ITPR1: variants seen among roughly 807,000 people sequenced by gnomAD.
ITPR1 encodes inositol 1,4,5-trisphosphate-gated calcium channel ITPR1.
Under a neutral mutation model 318.4 loss-of-function variants are expected in ITPR1, and 96 were observed. The observed-to-expected ratio is 0.30, with a 90% CI of 0.26 to 0.36. The LOEUF (loss-of-function observed/expected upper bound fraction) is 0.36. Ranked by LOEUF, ITPR1 falls within the 10% of genes least tolerant of loss-of-function variation. The probability of loss-of-function intolerance (pLI) is 1.00; values close to 1 mark genes in which losing one functional copy is unlikely to be tolerated. For missense variants in ITPR1, 2,440 were observed against 3,460.2 expected, an observed-to-expected ratio of 0.71 and a Z score of 7.40; for synonymous variants, 1,312 against 1,289.9, an observed-to-expected ratio of 1.02 and a Z score of -0.37.
At chr3:4,734,461 G>T (rs1173840780) in intron 43 of ITPR1, among the ~76,000 whole-genome samples, 2 of 152,226 alleles carry the variant, frequency 1.3e-5, no homozygotes, top group African/African-American at 4.8e-5. Context: ...CGAAAGGACA[G>T]ATAGACAATT....
In ITPR1 at chr3:4,798,117, A is replaced by T. The variant is rs546109912; in HGVS notation, c.6932-2308A>T. On this transcript the variant is annotated intron_variant, in intron 53 of 61. Coordinates refer to ENST00000649015, the MANE Select transcript of ITPR1 (RefSeq NM_001378452.1). ...TACTGGTCACATTGATGATACTGAG[A>T]TCATCTTAAGAGTCCATTTAAAATG... Among the ~76,000 whole-genome samples the T allele has an allele frequency of 3.3e-4, 51 of 152,346 alleles. No homozygotes were observed. The South Asian group carries it at 0.011, about 32-fold the overall frequency.
At chr3:4,702,127 A>C (rs2094667810) in intron 35 of ITPR1, among the ~76,000 whole-genome samples, 1 of 145,498 alleles carries the variant, frequency 6.9e-6, no homozygotes, top group African/African-American at 2.4e-5. Flanking sequence ...TAATGTACTC[A>C]GAAAGTCAGT....
intron 44 of ITPR1, among the ~76,000 whole-genome samples, chr3:4,765,598 A>G (rs1430612965): frequency 1.3e-5 from 2 of 152,212 alleles, no homozygotes; most frequent in African/African-American, 4.8e-5. Context: ...CCATCTTTCC[A>G]AATGGAAAGA....
At chr3:4,661,221 A>T in intron 14 of ITPR1, 134 bp downstream of exon 14, 1 of 535,968 alleles carries the variant, frequency 1.9e-6, no homozygotes, top group East Asian at 3.0e-5. Flanking sequence ...GCCGAACTTG[A>T]ATGTGACAAA....
At chr3:4,815,021 C>T (rs1034652520) in intron 58 of ITPR1, 32 bp from the exon 59 acceptor site, 13 of 1,584,886 alleles carry the variant, frequency 8.2e-6, no homozygotes, top group South Asian at 1.2e-5. Context: ...TCGCAAGGGA[C>T]CCAGACTGAT....
chr3:4,821,940 T>TC (rs761441828), intron 60 of ITPR1, among the ~76,000 whole-genome samples: 36 of 152,192 alleles, frequency 2.4e-4, no homozygotes, highest in Non-Finnish European at 4.4e-4. Flanking sequence ...GGTCTTCCCC[T>TC]TTCTCCTTTC....
At chr3:4,587,822 T>G (rs934863872) in intron 4 of ITPR1, among the ~76,000 whole-genome samples, 1 of 152,208 alleles carries the variant, frequency 6.6e-6, no homozygotes, top group Non-Finnish European at 1.5e-5. Flanking sequence ...TAGCTTAGTA[T>G]CTAATCTTTG....
chr3:4,580,353 T>A (rs551143737), intron 4 of ITPR1, among the ~76,000 whole-genome samples: 5 of 152,288 alleles, frequency 3.3e-5, no homozygotes, highest in Admixed American at 3.3e-4. Context: ...TGGCTTTTGG[T>A]TCAAACAAGT....
chr3:4,755,324 G>A (rs79958525), intron 44 of ITPR1, among the ~76,000 whole-genome samples: 3,759 of 151,930 alleles, frequency 0.025, 69 homozygotes, highest in South Asian at 0.063. Flanking sequence ...CCCAGTTCCC[G>A]TGGGCACTGG....
intron 40 of ITPR1, among the ~76,000 whole-genome samples, chr3:4,721,023 T>C (rs2042113200): frequency 6.6e-6 from 1 of 151,508 alleles, no homozygotes; most frequent in Admixed American, 6.6e-5. Flanking sequence ...ATAAATGCAG[T>C]GGGGCTGTTT....
At position 4,735,138 on chromosome 3, in the gene ITPR1, G is replaced by A. The variant is rs762668339; in HGVS notation, c.5354-26G>A. ...ACATTAGCTGTTCTGATTGTGCTTA[G>A]TAAAAACAATATTCCATCTTCTTAG... is the stretch of plus-strand genomic sequence containing the variant. On this transcript the variant is annotated intron_variant, in intron 43 of 61. Coordinates refer to ENST00000649015, the MANE Select transcript of ITPR1 (RefSeq NM_001378452.1). The A allele has an allele frequency of 1.9e-6, 3 of 1,593,530 alleles. 1 individual carries two copies. In the South Asian group the frequency reaches 3.3e-5, roughly 18 times the overall value.
In ITPR1 at chr3:4,650,414, G is replaced by A. The variant is rs115011139; in HGVS notation, c.856-1709G>A. 3.7e-3 allele frequency among the ~76,000 whole-genome samples: 556 copies of A among 152,144 alleles called. 4 individuals are homozygous for A. Among genetic ancestry groups the A allele is most frequent in the African/African-American group, 0.013 (530 of 41,512 alleles). ...ACTTTTTGTTGGATATAGAATTCTA[G>A]GTAGATAGTTTTTTACTTTAAAGAT... On this transcript the variant is annotated intron_variant, in intron 10 of 61. Coordinates refer to ENST00000649015, the MANE Select transcript of ITPR1 (RefSeq NM_001378452.1).
chr3:4,751,517 ATATGTAGTTCCAT>A (rs1196614269), intron 44 of ITPR1: 1 of 152,226 alleles, frequency 6.6e-6, no homozygotes, highest in Non-Finnish European at 1.5e-5. Context: ...TTAGAAAAGA[ATATGTAGTTCCAT>A]GAGGACAGGC....
intron 4 of ITPR1, among the ~76,000 whole-genome samples, chr3:4,528,659 G>A (rs955714403): frequency 1.8e-4 from 28 of 151,970 alleles, no homozygotes; most frequent in Non-Finnish European, 3.8e-4. Flanking sequence ...TCATAGTAGG[G>A]GTATAGGACT....
intron 4 of ITPR1, among the ~76,000 whole-genome samples, chr3:4,546,606 G>A (rs2085033001): frequency 6.6e-6 from 1 of 152,148 alleles, no homozygotes; most frequent in Non-Finnish European, 1.5e-5. Flanking sequence ...AAGTCCGCAA[G>A]CAGTAGTGTC....
chr3:4,700,026 T>C (rs2094620802), intron 35 of ITPR1, 85 bp downstream of exon 35: 1 of 1,217,094 alleles, frequency 8.2e-7, no homozygotes, highest in Non-Finnish European at 1.2e-6. Flanking sequence ...TAAGCAATTG[T>C]AAATGAACTG....
chr3:4,790,362 CTTATA>C (rs1307846571), intron 52 of ITPR1, among the ~76,000 whole-genome samples: 2 of 152,148 alleles, frequency 1.3e-5, no homozygotes, highest in East Asian at 1.9e-4. Context: ...TATGCCAAGA[CTTATA>C]TTATATTGTA....
intron 2 of ITPR1, among the ~76,000 whole-genome samples, chr3:4,503,322 C>G (rs540108179): frequency 2.6e-5 from 4 of 152,118 alleles, no homozygotes; most frequent in Non-Finnish European, 5.9e-5. Context: ...GATGGGGACT[C>G]CGCAGTACCG....
At chr3:4,597,748 C>T (rs1175529657) in intron 4 of ITPR1, among the ~76,000 whole-genome samples, 1 of 152,210 alleles carries the variant, frequency 6.6e-6, no homozygotes, top group Non-Finnish European at 1.5e-5. Context: ...CTGGAAACTG[C>T]AACCTGGTGT....
Sources: allele counts gnomAD v4.1 joint callset (sites outside exome capture counted in the v4.1 genomes callset), GRCh38; gene constraint gnomAD v4.1.1; transcripts MANE v1.5; gene names NCBI Gene and HGNC (gene_info 2026-07-23, HGNC 2026-07-21).